PDE1C: variants seen among roughly 807,000 people sequenced by gnomAD.
PDE1C encodes the protein dual specificity calcium/calmodulin-dependent 3',5'-cyclic nucleotide phosphodiesterase 1C.
Under a neutral mutation model 93.1 loss-of-function variants are expected in PDE1C, and 62 were observed. The ratio of observed to expected loss-of-function variants is 0.67; its 90% confidence interval spans 0.54 to 0.82. The LOEUF (loss-of-function observed/expected upper bound fraction) is 0.82, where lower values mean the gene tolerates loss of function less well. PDE1C is among the 40% of genes least tolerant of loss of function. PDE1C has a pLI of 0.00. For missense variants in PDE1C, 742 were observed against 884.6 expected (o/e 0.84, Z 2.04); for synonymous variants, 325 against 310.1 (o/e 1.05, Z -0.50).
chr7:32,206,954 C>T (rs1584958490), intron 2 of PDE1C, among the ~76,000 whole-genome samples: 1 of 152,320 alleles, frequency 6.6e-6, no homozygotes, highest in East Asian at 1.9e-4. Context: ...CCTTTGAGTT[C>T]CCTTCCCTCT....
chr7:31,873,962 A>C (rs1369461007), intron 5 of PDE1C, among the ~76,000 whole-genome samples: 1 of 152,242 alleles, frequency 6.6e-6, no homozygotes, highest in Non-Finnish European at 1.5e-5. Flanking sequence ...GTTTACAGTT[A>C]AGAATGTTAA....
chr7:32,402,173 C>G (rs1784957879), intron 1 of PDE1C, among the ~76,000 whole-genome samples: 1 of 152,100 alleles, frequency 6.6e-6, no homozygotes, highest in Admixed American at 6.5e-5. Context: ...CAACCACATT[C>G]TACTGGCTCC....
At chr7:32,381,344 G>A (rs2128090293) in intron 1 of PDE1C, among the ~76,000 whole-genome samples, 1 of 152,136 alleles carries the variant, frequency 6.6e-6, no homozygotes, top group Middle Eastern at 3.4e-3. Context: ...CAGAGAGACT[G>A]TTCATCGCTG....
the PDE1C span, among the ~76,000 whole-genome samples, chr7:31,716,354 T>C: frequency 6.6e-6 from 1 of 152,294 alleles, no homozygotes; most frequent in East Asian, 1.9e-4. Context: ...GTTCTCAAAT[T>C]GCACAGTTCT....
the PDE1C span, among the ~76,000 whole-genome samples, chr7:31,663,476 A>G: frequency 6.6e-6 from 1 of 152,238 alleles, no homozygotes; most frequent in Non-Finnish European, 1.5e-5. Context: ...GCTTTTGCAC[A>G]GTTTCAAGAT....
At chr7:31,651,406 T>C in the PDE1C span, 1 of 1,038,606 alleles carries the variant, frequency 9.6e-7, no homozygotes, top group East Asian at 2.8e-5. Context: ...GCTTTCTTGG[T>C]CTTGTTCTTG....
the PDE1C span, among the ~76,000 whole-genome samples, chr7:31,628,978 G>A: frequency 2.2e-3 from 328 of 152,266 alleles, 2 homozygotes; most frequent in Middle Eastern, 3.4e-3. Context: ...GTTATCACTA[G>A]AACTGTGGTA....
chr7:31,948,845 A>G (rs1422211106), intron 2 of PDE1C, among the ~76,000 whole-genome samples: 2 of 152,214 alleles, frequency 1.3e-5, no homozygotes, highest in East Asian at 1.9e-4. Flanking sequence ...ACAAGCCCCA[A>G]ACTGGGGCAC....
chr7:31,844,930 A>G (rs1464202539), intron 9 of PDE1C, among the ~76,000 whole-genome samples: 1 of 152,128 alleles, frequency 6.6e-6, no homozygotes, highest in Non-Finnish European at 1.5e-5. Context: ...TGTCTTCTCT[A>G]TCATGCACTA....
chr7:32,084,789 G>A (rs1276662723), intron 3 of PDE1C, among the ~76,000 whole-genome samples: 5 of 128,180 alleles, frequency 3.9e-5, no homozygotes, highest in Admixed American at 3.8e-4. Flanking sequence ...AAATAAAGAT[G>A]TTCTTTGAAA....
intron 2 of PDE1C, among the ~76,000 whole-genome samples, chr7:31,915,666 C>G (rs1204255991): frequency 6.6e-6 from 1 of 152,128 alleles, no homozygotes; most frequent in African/African-American, 2.4e-5. Context: ...GGATCCACCA[C>G]AGAGGTTACT....
intron 2 of PDE1C, among the ~76,000 whole-genome samples, chr7:31,899,132 CTTTTTT>C (rs386409838): frequency 0.029 from 2,462 of 85,042 alleles, 52 homozygotes; most frequent in African/African-American, 0.083. Flanking sequence ...GGCAGTCCCA[CTTTTTT>C]TTTTTTTTTT....
intron 1 of PDE1C, among the ~76,000 whole-genome samples, chr7:32,324,915 C>G (rs1783375608): frequency 6.6e-6 from 1 of 152,146 alleles, no homozygotes; most frequent in South Asian, 2.1e-4. Flanking sequence ...TACCACTGTA[C>G]TCCGGCCTGG....
chr7:31,819,631 A>G (rs1788709452), intron 14 of PDE1C, among the ~76,000 whole-genome samples: 1 of 152,112 alleles, frequency 6.6e-6, no homozygotes, highest in Non-Finnish European at 1.5e-5. Context: ...GAGTTAAGGT[A>G]GAGCAGAGCC....
At chr7:31,639,621 C>A in the PDE1C span, among the ~76,000 whole-genome samples, 1 of 149,786 alleles carries the variant, frequency 6.7e-6, no homozygotes, top group Non-Finnish European at 1.5e-5. Flanking sequence ...ACTGAAAGCT[C>A]TGCCTCCCGG....
At chr7:31,632,433 C>T in the PDE1C span, among the ~76,000 whole-genome samples, 5 of 152,022 alleles carry the variant, frequency 3.3e-5, no homozygotes, top group African/African-American at 4.8e-5. Context: ...GGTGACAGAG[C>T]GAGACTCCTT....
At position 32,122,394 on chromosome 7, in the gene PDE1C, C is replaced by T. The variant is rs147724815; in HGVS notation, c.308+47391G>A. On this transcript the variant is annotated intron_variant, in intron 3 of 18. Coordinates refer to the PDE1C transcript ENST00000396193. ...TAATTGACATCCACAGAACTTTCCA[C>T]CCCAAATCAACAGAATATATGTTCT... is the stretch of plus-strand genomic sequence containing the variant. 2.9e-3 allele frequency among the ~76,000 whole-genome samples: 436 copies of T among 152,270 alleles called. 3 individuals carry two copies. Among genetic ancestry groups the T allele is most frequent in the African/African-American group, 0.01 (418 of 41,552 alleles).
chr7:32,361,512 C>T (rs1784135908), intron 1 of PDE1C, among the ~76,000 whole-genome samples: 1 of 152,198 alleles, frequency 6.6e-6, no homozygotes, highest in Non-Finnish European at 1.5e-5. Context: ...TGACACACAC[C>T]TTCCCACGCC....
chr7:31,711,011 G>A, the PDE1C span, among the ~76,000 whole-genome samples: 7 of 152,186 alleles, frequency 4.6e-5, no homozygotes, highest in Non-Finnish European at 1.0e-4. Context: ...AGAAGAAAAG[G>A]ATAGGTGTAT....
Sources: allele counts gnomAD v4.1 joint callset (sites outside exome capture counted in the v4.1 genomes callset), GRCh38; gene constraint gnomAD v4.1.1; transcripts MANE v1.5; gene names NCBI Gene and HGNC (gene_info 2026-07-23, HGNC 2026-07-21).